Variants in VAV3 observed in about 807,000 individuals in gnomAD.
The protein encoded by VAV3 is vav guanine nucleotide exchange factor 3, also known as guanine nucleotide exchange factor VAV3.
A neutral mutation model predicts 131.2 loss-of-function variants in VAV3; 94 were observed. That is an observed-to-expected ratio of 0.72 (90% confidence interval 0.61 to 0.85). The LOEUF is 0.85. VAV3 is among the 40% of genes least tolerant of loss of function. The probability of loss-of-function intolerance (pLI) is 0.00; values close to 1 mark genes in which losing one functional copy is unlikely to be tolerated. For missense variants in VAV3, 939 were observed against 1,002.7 expected (o/e 0.94, Z 0.86); for synonymous variants, 349 against 342.0 (o/e 1.02, Z -0.22).
chr1:107,914,888 G>A (rs1672536957), intron 1 of VAV3, among the ~76,000 whole-genome samples: 1 of 152,210 alleles, frequency 6.6e-6, no homozygotes, highest in African/African-American at 2.4e-5. Context: ...CAGCAGCAAG[G>A]CCTGGAGGCT....
At chr1:107,876,553 T>A (rs1308810208) in intron 1 of VAV3, among the ~76,000 whole-genome samples, 1 of 151,968 alleles carries the variant, frequency 6.6e-6, no homozygotes, top group African/African-American at 2.4e-5. Flanking sequence ...TGGGGAGAGA[T>A]CAAGTGTTTA....
chr1:107,842,534 C>T (rs1668769529), intron 2 of VAV3, among the ~76,000 whole-genome samples: 1 of 152,186 alleles, frequency 6.6e-6, no homozygotes, highest in African/African-American at 2.4e-5. Flanking sequence ...AGTAGTTTCA[C>T]TTTAATCTTT....
intron 1 of VAV3, among the ~76,000 whole-genome samples, chr1:107,890,118 C>A (rs1671243417): frequency 6.6e-6 from 1 of 152,012 alleles, no homozygotes; most frequent in South Asian, 2.1e-4. Context: ...AGTATCAATG[C>A]TTAGGTTTTG....
intron 2 of VAV3, among the ~76,000 whole-genome samples, chr1:107,848,961 T>C (rs919361767): frequency 7.9e-5 from 12 of 152,106 alleles, no homozygotes; most frequent in African/African-American, 1.9e-4. Context: ...ATAAGTGAAC[T>C]TCCATTCACA....
chr1:107,596,115 T>C, intron 25 of VAV3, 97 bp downstream of exon 25: 1 of 1,473,416 alleles, frequency 6.8e-7, no homozygotes. Context: ...AGCGCATCCA[T>C]TGGTTATATT....
intron 15 of VAV3, among the ~76,000 whole-genome samples, chr1:107,734,776 C>T (rs749146353): frequency 3.3e-5 from 5 of 152,158 alleles, no homozygotes; most frequent in Non-Finnish European, 5.9e-5. Flanking sequence ...TAACACCCCA[C>T]TGTCAATATT....
At chr1:107,640,318 G>A (rs1045815510) in intron 20 of VAV3, among the ~76,000 whole-genome samples, 2 of 152,068 alleles carry the variant, frequency 1.3e-5, no homozygotes, top group East Asian at 1.9e-4. Flanking sequence ...ACATAACAAC[G>A]TGATGGAATC....
chr1:107,582,355 C>G (rs1372580494), intron 25 of VAV3, among the ~76,000 whole-genome samples: 2 of 152,138 alleles, frequency 1.3e-5, no homozygotes, highest in Non-Finnish European at 2.9e-5. Flanking sequence ...ATCTGCTCCC[C>G]AATCTCTCCC....
At chr1:107,618,188 A>G (rs1653310259) in intron 20 of VAV3, among the ~76,000 whole-genome samples, 1 of 152,206 alleles carries the variant, frequency 6.6e-6, no homozygotes, top group Admixed American at 6.5e-5. Context: ...TGTGTGGCCC[A>G]GTTCCTAACA....
chr1:107,629,537 C>T (rs371965071), intron 20 of VAV3, among the ~76,000 whole-genome samples: 9 of 152,140 alleles, frequency 5.9e-5, no homozygotes, highest in South Asian at 2.1e-4. Context: ...CACTAGAAAA[C>T]GTGCCCCAAA....
chr1:107,578,996 T>G (rs1649846161), intron 25 of VAV3: 1 of 831,068 alleles, frequency 1.2e-6, no homozygotes, highest in Admixed American at 6.2e-5. Context: ...AATCTTAAAA[T>G]ATCTACTATT....
At chr1:107,578,541 T>A (rs1387071604) in intron 25 of VAV3, among the ~76,000 whole-genome samples, 1 of 152,184 alleles carries the variant, frequency 6.6e-6, no homozygotes, top group Non-Finnish European at 1.5e-5. Flanking sequence ...CTGTGAAAAC[T>A]TCAGTTAGAA....
intron 10 of VAV3, among the ~76,000 whole-genome samples, chr1:107,757,712 G>A (rs1159267908): frequency 6.6e-6 from 1 of 152,084 alleles, no homozygotes; most frequent in African/African-American, 2.4e-5. Flanking sequence ...AGGGACATCA[G>A]GATGTTCTAT....
In VAV3 at chr1:107,894,161, G is replaced by A. The variant is rs138954913; in HGVS notation, c.205-19144C>T. ...GACTGTAAATGGACACTGTTTACTC[G>A]GGCAAGAATTTTCATTAAAGCTCAT... On this transcript the variant is annotated intron_variant, in intron 1 of 26. Coordinates refer to ENST00000370056, the MANE Select transcript of VAV3 (RefSeq NM_006113.5). Among the ~76,000 whole-genome samples, 82 of 152,214 alleles carry A rather than the reference G, an allele frequency of 5.4e-4. 1 individual carries two copies. The highest frequency in any genetic ancestry group is 1.9e-3 in the African/African-American group (78 of 41,512).
At chr1:107,736,280 C>T (rs573612850) in intron 15 of VAV3, among the ~76,000 whole-genome samples, 3 of 152,222 alleles carry the variant, frequency 2.0e-5, no homozygotes, top group East Asian at 3.9e-4. Context: ...TGGAAGCATT[C>T]CCTTTGAAAA....
At chr1:107,605,246 A>ATTT (rs1326664075) in intron 22 of VAV3, among the ~76,000 whole-genome samples, 2 of 152,192 alleles carry the variant, frequency 1.3e-5, no homozygotes, top group Non-Finnish European at 2.9e-5. Flanking sequence ...TATTGTTATA[A>ATTT]GAGTATTGAA....
intron 15 of VAV3, among the ~76,000 whole-genome samples, chr1:107,746,312 C>A (rs1023634749): frequency 2.6e-5 from 4 of 152,160 alleles, no homozygotes; most frequent in African/African-American, 9.7e-5. Context: ...AAGCCCTCAA[C>A]TTCAACTCTG....
chr1:107,640,003 A>T (rs1373251723), intron 20 of VAV3, among the ~76,000 whole-genome samples: 1 of 152,140 alleles, frequency 6.6e-6, no homozygotes, highest in Non-Finnish European at 1.5e-5. Flanking sequence ...AAAACTCACA[A>T]ATACAGTTGG....
At chr1:107,789,766 TTTTA>T (rs1238775835) in intron 2 of VAV3, among the ~76,000 whole-genome samples, 4 of 152,222 alleles carry the variant, frequency 2.6e-5, no homozygotes, top group Admixed American at 6.5e-5. Flanking sequence ...TAATCATATA[TTTTA>T]TTTAATTCAA....
Sources: gnomAD v4.1 joint callset for allele counts (sites outside exome capture counted in the v4.1 genomes callset) on GRCh38, gnomAD v4.1.1 for gene constraint, MANE v1.5 for transcripts, NCBI Gene and HGNC (gene_info 2026-07-23, HGNC 2026-07-21) for gene names.